The following RUNX1 variants were observed in gnomAD, a reference collection of about 807,000 sequenced individuals.
The protein encoded by RUNX1 is runt-related transcription factor 1.
A neutral mutation model predicts 42.8 loss-of-function variants in RUNX1; 19 were observed. The ratio of observed to expected loss-of-function variants is 0.44; its 90% confidence interval spans 0.31 to 0.65. The LOEUF (loss-of-function observed/expected upper bound fraction) is 0.65, where lower values mean the gene tolerates loss of function less well. Ranked by LOEUF, RUNX1 falls within the 30% of genes least tolerant of loss-of-function variation. The pLI is 0.07. For missense variants in RUNX1, 528 were observed against 672.0 expected (o/e 0.79, Z 2.37); for synonymous variants, 271 against 289.4 (o/e 0.94, Z 0.64).
At chr21:34,904,819 T>C (rs1419210693) in intron 2 of RUNX1, among the ~76,000 whole-genome samples, 2 of 152,366 alleles carry the variant, frequency 1.3e-5, no homozygotes, top group South Asian at 2.1e-4. Flanking sequence ...AATTGTCAAC[T>C]TCTCGGTTTA....
chr21:34,898,983 C>T (rs562000804), intron 2 of RUNX1, among the ~76,000 whole-genome samples: 4 of 152,168 alleles, frequency 2.6e-5, no homozygotes, highest in Admixed American at 2.6e-4. Flanking sequence ...GCATGATCTC[C>T]ACTCACTGCA....
At chr21:35,031,723 A>G (rs866731384) in intron 2 of RUNX1, among the ~76,000 whole-genome samples, 9 of 152,170 alleles carry the variant, frequency 5.9e-5, no homozygotes, top group African/African-American at 2.2e-4. Context: ...TTGCAGCAAC[A>G]TGGATGAACT....
At chr21:34,914,201 G>A (rs1313908402) in intron 2 of RUNX1, among the ~76,000 whole-genome samples, 1 of 152,216 alleles carries the variant, frequency 6.6e-6, no homozygotes, top group Non-Finnish European at 1.5e-5. Context: ...GAGTTTGTCT[G>A]TAGCTGAGTT....
chr21:34,897,150 C>G (rs932550238), intron 2 of RUNX1, among the ~76,000 whole-genome samples: 1 of 152,174 alleles, frequency 6.6e-6, no homozygotes, highest in Admixed American at 6.5e-5. Context: ...AGACTTGGAT[C>G]CATGGATTGA....
chr21:35,014,551 C>G (rs1436871496), intron 2 of RUNX1, among the ~76,000 whole-genome samples: 1 of 152,220 alleles, frequency 6.6e-6, no homozygotes, highest in African/African-American at 2.4e-5. Context: ...CTGGGAAGGT[C>G]AAGCATGATA....
intron 2 of RUNX1, among the ~76,000 whole-genome samples, chr21:34,989,291 G>A (rs974609969): frequency 2.0e-4 from 31 of 152,140 alleles, no homozygotes; most frequent in Non-Finnish European, 4.4e-5. Flanking sequence ...TTACAAGTGT[G>A]AGCCACGGCG....
chr21:34,854,390 T>C (rs2057467179), intron 6 of RUNX1, among the ~76,000 whole-genome samples: 1 of 151,932 alleles, frequency 6.6e-6, no homozygotes. Flanking sequence ...CTACAGTTTG[T>C]AAGTAATGGC....
At chr21:34,828,110 T>C (rs1167302275) in intron 7 of RUNX1, among the ~76,000 whole-genome samples, 1 of 152,218 alleles carries the variant, frequency 6.6e-6, no homozygotes, top group Non-Finnish European at 1.5e-5. Context: ...GAGGTGAAGT[T>C]TGGGCTGAGC....
intron 6 of RUNX1, among the ~76,000 whole-genome samples, chr21:34,841,313 C>G (rs59524736): frequency 0.05 from 7,660 of 152,148 alleles, 320 homozygotes; most frequent in African/African-American, 0.12. Flanking sequence ...ACCCACTCAG[C>G]GATTTCTAGA....
intron 2 of RUNX1, among the ~76,000 whole-genome samples, chr21:34,964,739 C>T (rs78062086): frequency 0.014 from 2,078 of 152,274 alleles, 21 homozygotes; most frequent in East Asian, 0.033. Flanking sequence ...CACAAACCAG[C>T]TTTGTGACCA....
At chr21:34,840,531 A>AT in intron 6 of RUNX1, among the ~76,000 whole-genome samples, 1 of 152,310 alleles carries the variant, frequency 6.6e-6, no homozygotes, top group Middle Eastern at 3.4e-3. Flanking sequence ...TATCTACTCA[A>AT]CTGGTTCTAA....
intron 2 of RUNX1, among the ~76,000 whole-genome samples, chr21:35,046,954 G>A (rs2059400158): frequency 6.6e-6 from 1 of 152,112 alleles, no homozygotes; most frequent in African/African-American, 2.4e-5. Flanking sequence ...GGTCAGCTGA[G>A]TGTCCATCGG....
At chr21:34,853,508 G>A (rs1001476063) in intron 6 of RUNX1, among the ~76,000 whole-genome samples, 7 of 152,118 alleles carry the variant, frequency 4.6e-5, no homozygotes, top group South Asian at 2.1e-4. Flanking sequence ...GCATCTGGAC[G>A]CCTTAGTTTA....
intron 6 of RUNX1, among the ~76,000 whole-genome samples, chr21:34,838,700 A>G (rs28620004): frequency 0.012 from 1,789 of 152,282 alleles, 33 homozygotes; most frequent in African/African-American, 0.034. Flanking sequence ...ATGTGTGTAG[A>G]GAACAGCTTA....
chr21:34,924,795 T>C (rs4817698), intron 2 of RUNX1, among the ~76,000 whole-genome samples: 124,087 of 152,180 alleles, frequency 0.82, 51,703 homozygotes, highest in South Asian at 0.93. Flanking sequence ...ATTTATTTCT[T>C]ATAGTTCTGG....
chr21:34,942,443 C>T (rs989200206), intron 2 of RUNX1, among the ~76,000 whole-genome samples: 1 of 152,126 alleles, frequency 6.6e-6, no homozygotes, highest in African/African-American at 2.4e-5. Context: ...GTCACTTGAC[C>T]GTCATTCACC....
chr21:34,953,463 C>T (rs2058623060), intron 2 of RUNX1, among the ~76,000 whole-genome samples: 2 of 152,230 alleles, frequency 1.3e-5, no homozygotes, highest in South Asian at 4.1e-4. Context: ...ATGTCCAGAG[C>T]TCAGGCAGCC....
At chr21:34,821,349 AT>A in intron 7 of RUNX1, 1 of 1,197,994 alleles carries the variant, frequency 8.3e-7, no homozygotes, top group Non-Finnish European at 1.0e-6. Flanking sequence ...TAAATATTTG[AT>A]AAAAATATAT....
At chr21:34,964,631 G>A (rs559578769) in intron 2 of RUNX1, among the ~76,000 whole-genome samples, 1 of 152,282 alleles carries the variant, frequency 6.6e-6, no homozygotes, top group East Asian at 1.9e-4. Context: ...AAAGTTGAGG[G>A]AGGCAGAGGT....
Sources: gnomAD v4.1 joint callset for allele counts (sites outside exome capture counted in the v4.1 genomes callset) on GRCh38, gnomAD v4.1.1 for gene constraint, MANE v1.5 for transcripts, NCBI Gene and HGNC (gene_info 2026-07-23, HGNC 2026-07-21) for gene names.